Variants in KLHL1 observed in about 807,000 individuals in gnomAD.
KLHL1 encodes the protein kelch-like protein 1.
A neutral mutation model predicts 77.7 loss-of-function variants in KLHL1; 47 were observed. The ratio of observed to expected loss-of-function variants is 0.60; its 90% CI spans 0.48 to 0.77. The LOEUF (loss-of-function observed/expected upper bound fraction) is 0.77, where lower values mean the gene tolerates loss of function less well. Among genes scored for constraint, KLHL1 ranks in the 30% least tolerant of loss-of-function variants. The pLI is 0.00. For synonymous variants in KLHL1, 360 were observed against 325.2 expected, an observed-to-expected ratio of 1.11 and a Z score of -1.15; for missense variants, 925 against 910.8, an observed-to-expected ratio of 1.02 and a Z score of -0.20.
intron 1 of KLHL1, among the ~76,000 whole-genome samples, chr13:70,086,592 AAGAAAGAAAGAAAGAAAGAAAG>A (rs1335565730): frequency 1.9e-4 from 7 of 36,492 alleles, no homozygotes; most frequent in East Asian, 5.8e-4. Flanking sequence ...AAAAAAAAAA[AAGAAAGAAAGAAAGAAAGAAAG>A]AAAGAAAGAA....
rs995173411 is a variant in KLHL1, at chr13:69,760,336, G to A, written c.1640-19780C>T. On this transcript the variant is annotated intron_variant, in intron 7 of 10. Coordinates refer to ENST00000377844, the MANE Select transcript of KLHL1 (RefSeq NM_020866.3). The stretch of plus-strand genomic sequence containing the variant: ...GGGCAGGATAGTAACTAAACCAAAA[G>A]GTTAGGATATTTTATTATTATTATT... 4.0e-5 allele frequency among the ~76,000 whole-genome samples: 6 copies of A among 149,832 alleles called. No individual in the cohort carries two copies. The East Asian group carries it at 1.2e-3, about 30-fold the overall frequency.
intron 1 of KLHL1, among the ~76,000 whole-genome samples, chr13:70,015,975 A>C (rs565603282): frequency 6.6e-6 from 1 of 152,330 alleles, no homozygotes; most frequent in African/African-American, 2.4e-5. Flanking sequence ...TAAGTTTTAA[A>C]TTATTTTATT....
intron 8 of KLHL1, among the ~76,000 whole-genome samples, chr13:69,722,236 ATTGAG>A (rs1206015129): frequency 2.0e-5 from 3 of 152,016 alleles, no homozygotes; most frequent in Non-Finnish European, 2.9e-5. Context: ...AAATTATACT[ATTGAG>A]TTATTTGAAC....
At chr13:69,926,282 G>A (rs1882810633) in intron 4 of KLHL1, among the ~76,000 whole-genome samples, 1 of 151,938 alleles carries the variant, frequency 6.6e-6, no homozygotes, top group Non-Finnish European at 1.5e-5. Context: ...GAAATTCAAG[G>A]ATTATTATAT....
intron 1 of KLHL1, among the ~76,000 whole-genome samples, chr13:70,012,211 A>G (rs1187625182): frequency 1.3e-5 from 2 of 152,080 alleles, no homozygotes; most frequent in African/African-American, 4.8e-5. Context: ...GCATTCTTCA[A>G]CTTTCTGAAA....
At chr13:70,098,161 T>C (rs1002044795) in intron 1 of KLHL1, among the ~76,000 whole-genome samples, 1 of 151,826 alleles carries the variant, frequency 6.6e-6, no homozygotes, top group African/African-American at 2.4e-5. Context: ...GTATGATGTT[T>C]TAAACTCTCG....
intron 5 of KLHL1, among the ~76,000 whole-genome samples, chr13:69,867,471 G>A (rs1880406854): frequency 6.6e-6 from 1 of 151,702 alleles, no homozygotes; most frequent in Non-Finnish European, 1.5e-5. Flanking sequence ...AAACAACACT[G>A]GAAAAATAAA....
chr13:70,018,048 G>A (rs1208433280), intron 1 of KLHL1, among the ~76,000 whole-genome samples: 1 of 105,376 alleles, frequency 9.5e-6, no homozygotes, highest in Non-Finnish European at 2.2e-5. Flanking sequence ...AATAGAACTA[G>A]CGCAAAAAAA....
At chr13:69,855,355 G>C (rs1394552165) in intron 5 of KLHL1, among the ~76,000 whole-genome samples, 7 of 144,856 alleles carry the variant, frequency 4.8e-5, no homozygotes, top group African/African-American at 1.5e-4. Flanking sequence ...TAGACAGACA[G>C]ATAGATACAT....
At chr13:69,877,278 A>T (rs926890349) in intron 5 of KLHL1, among the ~76,000 whole-genome samples, 6 of 152,188 alleles carry the variant, frequency 3.9e-5, no homozygotes, top group African/African-American at 1.4e-4. Context: ...ATTCATACAT[A>T]GTAAATATTT....
At chr13:69,722,964 G>T (rs1282229565) in intron 8 of KLHL1, among the ~76,000 whole-genome samples, 1 of 151,966 alleles carries the variant, frequency 6.6e-6, no homozygotes, top group Non-Finnish European at 1.5e-5. Flanking sequence ...TGCTCCATTT[G>T]TTGGAACACA....
chr13:69,786,666 G>C (rs1462373116), intron 7 of KLHL1, among the ~76,000 whole-genome samples: 4 of 152,142 alleles, frequency 2.6e-5, no homozygotes, highest in African/African-American at 9.7e-5. Context: ...GGTCAATTAG[G>C]CAGGAGAGGA....
At chr13:70,104,997 C>G (rs1888016241) in intron 1 of KLHL1, among the ~76,000 whole-genome samples, 1 of 152,092 alleles carries the variant, frequency 6.6e-6, no homozygotes, top group Non-Finnish European at 1.5e-5. Flanking sequence ...GAGCAGAGAA[C>G]CAATTCTCTA....
chr13:69,706,286 G>A (rs188681836), intron 10 of KLHL1, among the ~76,000 whole-genome samples: 1 of 151,344 alleles, frequency 6.6e-6, no homozygotes, highest in African/African-American at 2.4e-5. Flanking sequence ...TACTTACTTG[G>A]CTAAATGTAC....
chr13:69,752,101 G>A (rs901856267), intron 7 of KLHL1, among the ~76,000 whole-genome samples: 14 of 152,138 alleles, frequency 9.2e-5, no homozygotes, highest in African/African-American at 3.1e-4. Flanking sequence ...TTAATGAAGC[G>A]ATATATACAA....
chr13:69,953,216 G>A lies in KLHL1; in HGVS notation c.817+8092C>T, dbSNP rs192056801. Among the ~76,000 whole-genome samples the A allele has an allele frequency of 2.3e-3, 342 of 151,306 alleles. 1 individual carries two copies. The highest frequency in any genetic ancestry group is 7.2e-3 in the African/African-American group (300 of 41,452). On this transcript the variant is annotated intron_variant, in intron 3 of 10. Transcript: ENST00000377844. ...GTCTGAGGATAACATTTTAAATAGTGCTAAGAAGCATCAATGACAATTCTC... is the reference window on the plus strand; with the variant it reads ...GTCTGAGGATAACATTTTAAATAGTACTAAGAAGCATCAATGACAATTCTC...
At chr13:69,801,817 T>A (rs571292155) in intron 6 of KLHL1, among the ~76,000 whole-genome samples, 3 of 152,332 alleles carry the variant, frequency 2.0e-5, no homozygotes, top group Middle Eastern at 3.4e-3. Flanking sequence ...ATTTTGATAC[T>A]GAGTTATTAG....
At chr13:69,798,514 ATTATTG>A (rs1460222786) in intron 6 of KLHL1, among the ~76,000 whole-genome samples, 4 of 152,252 alleles carry the variant, frequency 2.6e-5, no homozygotes, top group Admixed American at 1.3e-4. Context: ...CTATTAGGAA[ATTATTG>A]TTATTGTTAG....
At chr13:70,095,582 G>T (rs539416025) in intron 1 of KLHL1, among the ~76,000 whole-genome samples, 2 of 152,088 alleles carry the variant, frequency 1.3e-5, no homozygotes, top group African/African-American at 4.8e-5. Context: ...TATTTATGAG[G>T]TACATATGAT....
Sources: allele counts gnomAD v4.1 joint callset (sites outside exome capture counted in the v4.1 genomes callset), GRCh38; gene constraint gnomAD v4.1.1; transcripts MANE v1.5; gene names NCBI Gene and HGNC (gene_info 2026-07-23, HGNC 2026-07-21).